Variants in HIVEP3 observed in about 807,000 individuals in gnomAD.
HIVEP3 encodes the protein HIVEP zinc finger 3.
In HIVEP3, 49 loss-of-function variants were observed where a neutral mutation model predicts 152.8. That is an observed-to-expected ratio of 0.32 (90% confidence interval 0.26 to 0.41). The LOEUF is 0.41. HIVEP3 is among the 10% of genes least tolerant of loss of function. HIVEP3 has a pLI of 1.00. For missense variants in HIVEP3, 2,790 were observed against 3,103.3 expected (o/e 0.90, Z 2.40); for synonymous variants, 1,269 against 1,289.0 (o/e 0.98, Z 0.33).
intron 1 of HIVEP3, among the ~76,000 whole-genome samples, chr1:41,904,186 C>T (rs1409791447): frequency 6.6e-6 from 1 of 152,074 alleles, no homozygotes; most frequent in Non-Finnish European, 1.5e-5. Flanking sequence ...CCTGAGCCAC[C>T]GTGCCTGGTC....
chr1:41,597,877 T>C (rs1644689253), intron 3 of HIVEP3, among the ~76,000 whole-genome samples: 1 of 152,230 alleles, frequency 6.6e-6, no homozygotes. Flanking sequence ...TTACCTCACC[T>C]ACACACATCT....
At chr1:41,537,550 G>C (rs891367788) in intron 5 of HIVEP3, among the ~76,000 whole-genome samples, 2 of 152,202 alleles carry the variant, frequency 1.3e-5, no homozygotes, top group East Asian at 1.9e-4. Context: ...GCTGCTCTTC[G>C]AGTGAAACTC....
intron 1 of HIVEP3, among the ~76,000 whole-genome samples, chr1:41,846,421 T>C (rs768068784): frequency 2.0e-5 from 3 of 152,230 alleles, no homozygotes; most frequent in Non-Finnish European, 4.4e-5. Flanking sequence ...TTTCATTTAA[T>C]AGATTTCAGA....
At chr1:41,807,460 A>AAGG (rs1558286994) in intron 1 of HIVEP3, among the ~76,000 whole-genome samples, 1 of 152,150 alleles carries the variant, frequency 6.6e-6, no homozygotes. Context: ...GGAGTGAGGG[A>AAGG]AGGAGGGACC....
intron 1 of HIVEP3, among the ~76,000 whole-genome samples, chr1:41,722,148 T>C (rs1377138256): frequency 6.6e-6 from 1 of 152,070 alleles, no homozygotes; most frequent in African/African-American, 2.4e-5. Flanking sequence ...TCATGCAAGC[T>C]CCTGGAACTC....
At chr1:41,900,559 C>G (rs923138643) in intron 1 of HIVEP3, among the ~76,000 whole-genome samples, 1 of 152,120 alleles carries the variant, frequency 6.6e-6, no homozygotes. Flanking sequence ...TGGGCTGGGC[C>G]TCTCTATCCC....
rs753665461 is a variant in HIVEP3 at position 41,583,515 on chromosome 1, C to A, written c.1283G>T (p.Arg428Leu). The change falls in exon 4 of 9, where the codon CGG (arginine) becomes CTG (leucine). Residue 428 changes from arginine (R) to leucine (L), a missense_variant. Arg to Leu is a moderately radical substitution (Grantham distance 102, BLOSUM62 -2). This residue lies in a region of HIVEP3 where 134 missense variants were observed against 242.5 expected (regional missense o/e 0.55). Coordinates refer to ENST00000372583, the MANE Select transcript of HIVEP3 (RefSeq NM_024503.5). The surrounding 1 kb of genome is among the most constrained non-coding windows in gnomAD (Gnocchi z 6.9). ...IFGKCGRIGQ[R>L]TAMLTATSTQ... ...GGAGGTGGCTGTCAGCATGGCGGTC[C>A]GCTGTCCTATTCGCCCACACTTGCC... The A allele has an allele frequency of 1.2e-6, 2 of 1,613,872 alleles. No homozygotes were observed. Among genetic ancestry groups the A allele is most frequent in the Non-Finnish European group, 1.7e-6 (2 of 1,179,986 alleles).
chr1:41,694,863 G>T (rs1646248961), intron 2 of HIVEP3, among the ~76,000 whole-genome samples: 1 of 152,186 alleles, frequency 6.6e-6, no homozygotes, highest in Non-Finnish European at 1.5e-5. Context: ...TCAGAGAGAT[G>T]TAACCCTACC....
intron 1 of HIVEP3, among the ~76,000 whole-genome samples, chr1:41,950,343 A>C (rs1027303510): frequency 6.6e-6 from 1 of 152,030 alleles, no homozygotes; most frequent in African/African-American, 2.4e-5. Flanking sequence ...ACAAAAAAAA[A>C]CGTGGTACCA....
chr1:41,529,803 AC>A (rs1406514198), intron 5 of HIVEP3, among the ~76,000 whole-genome samples: 2 of 132,848 alleles, frequency 1.5e-5, no homozygotes, highest in Non-Finnish European at 3.3e-5. Context: ...CATACACATA[AC>A]CCCACAATCA....
intron 2 of HIVEP3, among the ~76,000 whole-genome samples, chr1:41,637,181 C>T (rs745565042): frequency 1.3e-5 from 2 of 152,142 alleles, no homozygotes; most frequent in Non-Finnish European, 2.9e-5. Context: ...CACAAACATA[C>T]ACACACATGC....
At chr1:41,607,780 G>A (rs1644842362) in intron 3 of HIVEP3, among the ~76,000 whole-genome samples, 1 of 152,218 alleles carries the variant, frequency 6.6e-6, no homozygotes, top group South Asian at 2.1e-4. Flanking sequence ...GCTTAGACGA[G>A]ACAGTTTATT....
chr1:41,710,247 T>C (rs568175799), intron 1 of HIVEP3, among the ~76,000 whole-genome samples: 6 of 152,144 alleles, frequency 3.9e-5, no homozygotes, highest in African/African-American at 1.4e-4. Flanking sequence ...CCCAAAATAG[T>C]CCCTGGGGGT....
At chr1:41,575,140 C>A (rs1318958636) in intron 5 of HIVEP3, among the ~76,000 whole-genome samples, 1 of 152,170 alleles carries the variant, frequency 6.6e-6, no homozygotes, top group Non-Finnish European at 1.5e-5. Context: ...ACCAGACATG[C>A]CAAGATGGCC....
At chr1:41,701,084 G>A in intron 1 of HIVEP3, 89 bp from the exon 2 acceptor site, 1 of 481,792 alleles carries the variant, frequency 2.1e-6, no homozygotes, top group Non-Finnish European at 2.7e-6. Flanking sequence ...AAAATGGTGA[G>A]CACAGCCTTG....
intron 2 of HIVEP3, among the ~76,000 whole-genome samples, chr1:41,642,554 A>G (rs1403417953): frequency 6.6e-6 from 1 of 152,124 alleles, no homozygotes; most frequent in African/African-American, 2.4e-5. Context: ...CGTGGTGTTT[A>G]CCTTCTCTAC....
At position 41,509,824 on chromosome 1, in the gene HIVEP3, A is replaced by G. The variant is rs1644423388; in HGVS notation, c.*627T>C. Reference sequence around the variant, plus strand: ...AAAAGTATCATTTTATTTTCTTGCAAAAAAAAAAAAAAAAAAAAAAAAGGA... The same window carrying G: ...AAAAGTATCATTTTATTTTCTTGCAGAAAAAAAAAAAAAAAAAAAAAAGGA... On this transcript the variant is annotated 3_prime_UTR_variant, in exon 9 of 9. Transcript: ENST00000372583. The G allele has an allele frequency of 1.5e-5, 1 of 67,692 alleles. No homozygotes were observed. Among genetic ancestry groups the G allele is most frequent in the South Asian group, 5.2e-4 (1 of 1,922 alleles). The allele number at this position is 67,692 out of a possible 1,614,324, so 4.2% of individuals were successfully genotyped here. A position where few individuals can be genotyped will look rare whatever the true frequency, so the allele number is the denominator to read the frequency against.
chr1:42,035,720 G>T (rs1273436892), intron 1 of HIVEP3: 1 of 151,920 alleles, frequency 6.6e-6, no homozygotes. Context: ...GAGCTGCGGC[G>T]CTGACACGGC....
At chr1:42,007,187 A>C (rs1231860831) in intron 1 of HIVEP3, among the ~76,000 whole-genome samples, 1 of 152,208 alleles carries the variant, frequency 6.6e-6, no homozygotes, top group Admixed American at 6.5e-5. Flanking sequence ...CAGCAGAGAG[A>C]GAGCCTGATC....
Sources: gnomAD v4.1 joint callset for allele counts (sites outside exome capture counted in the v4.1 genomes callset) on GRCh38, gnomAD v4.1.1 for gene constraint, gnomAD v4.1.1 regional missense constraint, Gnocchi (gnomAD v3.1) non-coding constraint, MANE v1.5 for transcripts, NCBI Gene and HGNC (gene_info 2026-07-23, HGNC 2026-07-21) for gene names.